The following MACO1 variants were observed in gnomAD, a reference collection of about 807,000 sequenced individuals.
MACO1 encodes the protein macoilin 1.
A neutral mutation model predicts 78.7 loss-of-function variants in MACO1; 14 were observed. That is an observed-to-expected ratio of 0.18 (90% confidence interval 0.12 to 0.28). The LOEUF (loss-of-function observed/expected upper bound fraction) is 0.28, where lower values mean the gene tolerates loss of function less well. Among genes scored for constraint, MACO1 ranks in the 10% least tolerant of loss-of-function variants. MACO1 has a pLI of 1.00. For missense variants in MACO1, 501 were observed against 799.0 expected (o/e 0.63, Z 4.50); for synonymous variants, 288 against 291.6 (o/e 0.99, Z 0.12).
At chr1:25,434,651 A>G (rs745678625) in intron 1 of MACO1, among the ~76,000 whole-genome samples, 7 of 152,244 alleles carry the variant, frequency 4.6e-5, no homozygotes, top group Non-Finnish European at 8.8e-5. Context: ...ATTTTATGAT[A>G]AAGTAGACAG....
In MACO1 at chr1:25,448,836, C is replaced by A; in HGVS notation, c.251C>A (p.Ala84Glu). Reference sequence around the variant, plus strand: ...TTCTCAGTATTTTTTGTTTGTGTAGCATTCACGTCAAATATAATATGCCTG... The same window carrying A: ...TTCTCAGTATTTTTTGTTTGTGTAGAATTCACGTCAAATATAATATGCCTG... The part of the protein sequence containing the change: ...LAFSVFFVCV[A>E]FTSNIICLLF... The change falls in exon 3 of 11, where the codon GCA becomes GAA. Residue 84 changes from alanine (A) to glutamate (E), a missense_variant. Ala to Glu is a moderately radical substitution (Grantham distance 107, BLOSUM62 -1). Transcript: ENST00000374343. 1 of 1,557,812 alleles carries A rather than the reference C, an allele frequency of 6.4e-7. No individual in the cohort carries two copies. Among genetic ancestry groups the A allele is most frequent in the South Asian group, 1.2e-5 (1 of 81,334 alleles).
chr1:25,488,540 C>G (rs1439252798), intron 8 of MACO1, among the ~76,000 whole-genome samples: 1 of 151,870 alleles, frequency 6.6e-6, no homozygotes, highest in Non-Finnish European at 1.5e-5. Flanking sequence ...GTCACCCAGG[C>G]TAACGTGCTG....
At chr1:25,461,576 C>T (rs1412526624) in intron 6 of MACO1, among the ~76,000 whole-genome samples, 1 of 151,374 alleles carries the variant, frequency 6.6e-6, no homozygotes, top group Non-Finnish European at 1.5e-5. Context: ...CTCTTCCTTC[C>T]CCCCCCTCAA....
At chr1:25,441,997 A>C (rs570914514) in intron 1 of MACO1, among the ~76,000 whole-genome samples, 1 of 152,374 alleles carries the variant, frequency 6.6e-6, no homozygotes, top group Non-Finnish European at 1.5e-5. Flanking sequence ...CATGACAATG[A>C]GAAATTTATG....
Position 25,485,503 on chromosome 1 carries a change from G to T in MACO1, c.1314-110G>T, listed in dbSNP as rs1033454499. 8.6e-7 allele frequency: 1 copy of T among 1,161,326 alleles called. No homozygotes were observed. Among genetic ancestry groups the T allele is most frequent in the Non-Finnish European group, 1.2e-6 (1 of 830,622 alleles). The allele number at this position is 1,161,326 out of a possible 1,614,324, so 71.9% of individuals were successfully genotyped here. On this transcript the variant is annotated intron_variant, in intron 7 of 10. Transcript: ENST00000374343. This position sits in a 1 kb window ranked among gnomAD's most constrained non-coding sequence, Gnocchi z 4.3. ...TGGGCATTGACATTTTTGATTTGCT[G>T]TTCAAACCTCCTGTTTAATTGGCCT...
chr1:25,442,039 A>T (rs1173865067), intron 1 of MACO1, among the ~76,000 whole-genome samples: 1 of 152,354 alleles, frequency 6.6e-6, no homozygotes, highest in Admixed American at 6.5e-5. Flanking sequence ...ATTTGATTGT[A>T]TGCGCAAGTA....
chr1:25,462,313 G>T (rs528787322), intron 6 of MACO1, among the ~76,000 whole-genome samples: 3 of 152,102 alleles, frequency 2.0e-5, no homozygotes, highest in Non-Finnish European at 4.4e-5. Flanking sequence ...TTTAGATTTA[G>T]GAGGTACACG....
intron 1 of MACO1, among the ~76,000 whole-genome samples, chr1:25,443,469 T>A (rs1203704608): frequency 6.6e-6 from 1 of 152,242 alleles, no homozygotes; most frequent in Non-Finnish European, 1.5e-5. Context: ...TTTTCTTAGA[T>A]ACCTGTACTT....
At chr1:25,476,795 T>G (rs927420248) in intron 6 of MACO1, among the ~76,000 whole-genome samples, 1 of 152,234 alleles carries the variant, frequency 6.6e-6, no homozygotes, top group African/African-American at 2.4e-5. Context: ...GCACCTGCCT[T>G]CCTTAAAAGC....
At position 25,451,545 on chromosome 1, in the gene MACO1, G is replaced by T. The variant is rs530553000; in HGVS notation, c.349+2611G>T. Among the ~76,000 whole-genome samples, 302 of 151,534 alleles carry T rather than the reference G, an allele frequency of 2.0e-3. 1 individual carries two copies. Among genetic ancestry groups the T allele is most frequent in the African/African-American group, 7.1e-3 (289 of 40,898 alleles). On this transcript the variant is annotated intron_variant, in intron 3 of 10. Coordinates refer to ENST00000374343, the MANE Select transcript of MACO1 (RefSeq NM_018202.6). ...ATAGGGCAGATAAATATTTGAAAATGCATTTTGAAATGATTTTGAAAATGC... is the reference window on the plus strand; with the variant it reads ...ATAGGGCAGATAAATATTTGAAAATTCATTTTGAAATGATTTTGAAAATGC...
At chr1:25,460,490 A>G (rs1042037946) in intron 6 of MACO1, among the ~76,000 whole-genome samples, 2 of 149,670 alleles carry the variant, frequency 1.3e-5, no homozygotes, top group African/African-American at 4.9e-5. Flanking sequence ...TGTAGACTCT[A>G]CCTCCCCAGG....
intron 6 of MACO1, among the ~76,000 whole-genome samples, chr1:25,460,602 C>T (rs868489082): frequency 6.6e-6 from 1 of 152,024 alleles, no homozygotes; most frequent in African/African-American, 2.4e-5. Flanking sequence ...GAGGAGATCT[C>T]GCCATGTTGC....
chr1:25,484,200 C>T lies in MACO1; in HGVS notation c.1239C>T (p.Ser413=). 6.2e-7 allele frequency: 1 copy of T among 1,613,998 alleles called. No homozygotes were observed. Among genetic ancestry groups the T allele is most frequent in the Non-Finnish European group, 8.5e-7 (1 of 1,179,992 alleles). ...AAGAGCTCCGCAGTCAGATCAGCTCCCTTTCGAGCACCGAGCGAGGGATCC... is the reference window on the plus strand; with the variant it reads ...AAGAGCTCCGCAGTCAGATCAGCTCTCTTTCGAGCACCGAGCGAGGGATCC... ...VEQELRSQIS[S]LSSTERGIRS... The change falls in exon 7 of 11, where the codon TCC becomes TCT. Residue 413 remains serine (S), a synonymous_variant. Transcript: ENST00000374343.
chr1:25,491,143 A>G (rs1399930655), intron 9 of MACO1, among the ~76,000 whole-genome samples: 1 of 152,246 alleles, frequency 6.6e-6, no homozygotes, highest in Non-Finnish European at 1.5e-5. Context: ...AATTAAGCTT[A>G]TAAGAAAAGT....
rs117613816 is a variant in MACO1, at chr1:25,453,781, G to A, written c.350-478G>A. 3.0e-3 allele frequency among the ~76,000 whole-genome samples: 457 copies of A among 151,768 alleles called. 9 individuals carry two copies. The highest frequency in any genetic ancestry group is 0.024 in the East Asian group (126 of 5,154). On this transcript the variant is annotated intron_variant, in intron 3 of 10. Transcript: ENST00000374343. ...GGTTGTCCCAATTTATATTATTGCC[G>A]AGTATGAAAATGAACCTTTGCCCAT...
chr1:25,482,512 C>G (rs1196562228), intron 6 of MACO1, among the ~76,000 whole-genome samples: 2 of 152,156 alleles, frequency 1.3e-5, no homozygotes, highest in Non-Finnish European at 2.9e-5. Context: ...CTGTTCCTGC[C>G]TTTGAGTTTT....
intron 6 of MACO1, among the ~76,000 whole-genome samples, chr1:25,461,856 T>C (rs539532079): frequency 6.6e-6 from 1 of 152,320 alleles, no homozygotes; most frequent in South Asian, 2.1e-4. Context: ...TATTGGGCAT[T>C]TATTTTTTCT....
At chr1:25,464,161 C>T (rs1365778969) in intron 6 of MACO1, among the ~76,000 whole-genome samples, 1 of 152,102 alleles carries the variant, frequency 6.6e-6, no homozygotes, top group Non-Finnish European at 1.5e-5. Flanking sequence ...GTCCATCCAT[C>T]CCTACCCTCC....
chr1:25,431,535 G>T (rs1412380857), intron 1 of MACO1, among the ~76,000 whole-genome samples: 1 of 151,810 alleles, frequency 6.6e-6, no homozygotes, highest in African/African-American at 2.4e-5. Flanking sequence ...CCGCTTCCGG[G>T]ACCTCTGACT....
Sources: allele counts gnomAD v4.1 joint callset (sites outside exome capture counted in the v4.1 genomes callset), GRCh38; gene constraint gnomAD v4.1.1; non-coding constraint Gnocchi (gnomAD v3.1); transcripts MANE v1.5; gene names NCBI Gene and HGNC (gene_info 2026-07-23, HGNC 2026-07-21).